The following KIAA1671 variants were observed in gnomAD, a reference collection of about 807,000 sequenced individuals.
KIAA1671 encodes uncharacterized protein KIAA1671.
KIAA1671 carries 52 observed loss-of-function variants against 131.2 expected under a neutral mutation model. The ratio of observed to expected loss-of-function variants is 0.40; its 90% CI spans 0.32 to 0.50. KIAA1671 has a LOEUF of 0.50. Ranked by LOEUF, KIAA1671 falls within the 20% of genes least tolerant of loss-of-function variation. The pLI, the probability that KIAA1671 is intolerant of heterozygous loss-of-function variation, is 0.73. For synonymous variants in KIAA1671, 1,003 were observed against 961.6 expected (o/e 1.04, Z -0.80); for missense variants, 2,360 against 2,364.2 (o/e 1.00, Z 0.04).
In KIAA1671 at chr22:25,182,680, G is replaced by A. The variant is rs531747684; in HGVS notation, c.5199+857G>A. Among the ~76,000 whole-genome samples the A allele has an allele frequency of 3.2e-4, 49 of 152,148 alleles. 1 individual carries two copies. The South Asian group carries it at 9.6e-3, about 30-fold the overall frequency. ...AATCTCCACTTTCTGACTCTCCTCC[G>A]CCCCCAAACCTGCTGCTCTGGTGTC... On this transcript the variant is annotated intron_variant, in intron 10 of 12. Transcript: ENST00000358431.
At chr22:25,153,763 A>C (rs1933129898) in intron 6 of KIAA1671, among the ~76,000 whole-genome samples, 1 of 152,210 alleles carries the variant, frequency 6.6e-6, no homozygotes, top group Non-Finnish European at 1.5e-5. Context: ...CCCTTCTGCC[A>C]CAGAGCATCC....
chr22:24,983,731 G>T (rs1459185636), intron 1 of KIAA1671, among the ~76,000 whole-genome samples: 1 of 147,944 alleles, frequency 6.8e-6, no homozygotes, highest in Non-Finnish European at 1.5e-5. Context: ...TGAAGCTGGG[G>T]GTCTGGGGGC....
At chr22:24,962,639 A>G (rs1316740216) in intron 1 of KIAA1671, among the ~76,000 whole-genome samples, 2 of 152,232 alleles carry the variant, frequency 1.3e-5, no homozygotes, top group African/African-American at 2.4e-5. Flanking sequence ...GTTAACACAT[A>G]TGGCACTTGC....
At chr22:25,179,489 T>C (rs1934186843) in intron 9 of KIAA1671, 2 of 1,612,654 alleles carry the variant, frequency 1.2e-6, no homozygotes, top group Admixed American at 1.7e-5. Context: ...CTCCAGCGCC[T>C]TGTGCAGCAC....
chr22:25,028,690 CT>C lies in KIAA1671; in HGVS notation c.693del (p.Val232TrpfsTer7). On this transcript the variant is annotated frameshift_variant, in exon 3 of 13. Transcript: ENST00000358431. LOFTEE classifies it high-confidence loss of function. ...ASSVEDTARP[L>X]VEPRPRLKRR... ...CAGTGTGGAGGACACGGCACGCCCC[CT>C]TGTGGAGCCCAGGCCTCGCCTGAAG... 1.3e-6 allele frequency: 2 copies of C among 1,551,222 alleles called. No individual in the cohort carries two copies. The highest frequency in any genetic ancestry group is 1.7e-6 in the Non-Finnish European group (2 of 1,147,012).
chr22:25,169,547 G>A (rs1279254513), intron 6 of KIAA1671, among the ~76,000 whole-genome samples: 1 of 152,044 alleles, frequency 6.6e-6, no homozygotes, highest in Non-Finnish European at 1.5e-5. Flanking sequence ...GTTTTGTCTT[G>A]AGGGCACCAG....
chr22:24,977,085 A>AGGCT (rs1331138805), intron 1 of KIAA1671, among the ~76,000 whole-genome samples: 1 of 152,134 alleles, frequency 6.6e-6, no homozygotes, highest in Non-Finnish European at 1.5e-5. Flanking sequence ...ATTGACCGAG[A>AGGCT]GGCTGCCTGT....
chr22:24,986,913 G>T (rs1170040780), intron 1 of KIAA1671, among the ~76,000 whole-genome samples: 1 of 151,856 alleles, frequency 6.6e-6, no homozygotes, highest in Non-Finnish European at 1.5e-5. Context: ...GCAGGGGTCG[G>T]CCAGCTTCTC....
At chr22:25,178,751 A>C (rs1934136824) in intron 9 of KIAA1671, among the ~76,000 whole-genome samples, 1 of 152,050 alleles carries the variant, frequency 6.6e-6, no homozygotes, top group South Asian at 2.1e-4. Context: ...ACCCCTGTGC[A>C]ACCACATTAA....
rs1926783649 is a variant in KIAA1671 at position 25,039,255 on chromosome 22, G to A, written c.2125G>A (p.Glu709Lys). 1 of 1,552,322 alleles carries A rather than the reference G, an allele frequency of 6.4e-7. No individual in the cohort carries two copies. Among genetic ancestry groups the A allele is most frequent in the Non-Finnish European group, 8.7e-7 (1 of 1,147,120 alleles). ...TCTCCGGGACAAATACCCTTTGTCT[G>A]AAAACCACAATAATAACACCTTCCT... ...TPLRDKYPLS[E>K]NHNNNTFLKH... Residue 709 changes from glutamate to lysine, a missense_variant, in exon 5 of 13, where the codon GAA becomes AAA. By Grantham distance (56) the Glu-to-Lys change is moderately conservative (BLOSUM62 1). Around this residue, in one of 3 missense-constraint regions of KIAA1671, gnomAD observed 1,185 missense variants for 1,126.2 expected, o/e 1.05. Coordinates refer to ENST00000358431, the MANE Select transcript of KIAA1671 (RefSeq NM_001145206.2).
At chr22:25,052,740 G>C (rs372318486) in intron 6 of KIAA1671, 1 of 151,830 alleles carries the variant, frequency 6.6e-6, no homozygotes, top group South Asian at 2.1e-4. Flanking sequence ...TATTTGAGAT[G>C]GAGTCTCACT....
intron 1 of KIAA1671, among the ~76,000 whole-genome samples, chr22:24,983,509 T>G (rs1301401170): frequency 6.6e-6 from 1 of 151,910 alleles, no homozygotes; most frequent in Non-Finnish European, 1.5e-5. Context: ...GGTCGCATTC[T>G]GAGATTACAG....
In KIAA1671 at chr22:25,041,009, C is replaced by A; in HGVS notation, c.3879C>A (p.Ser1293Arg). 1 of 1,479,826 alleles carries A rather than the reference C, an allele frequency of 6.8e-7. No homozygotes were observed. The allele number at this position is 1,479,826 out of a possible 1,614,324, so 91.7% of individuals were successfully genotyped here. A position where few individuals can be genotyped will look rare whatever the true frequency, so the allele number is the denominator to read the frequency against. Residue 1293 changes from serine (S) to arginine (R), a missense_variant, in exon 5 of 13, where the codon AGC becomes AGA. By Grantham distance (110) the Ser-to-Arg change is moderately radical. Transcript: ENST00000358431. ...AGACAGCCATGGGCACCAAATCTAG[C>A]CCTCCCTTCTGGGCTCTGCCACCCT... is the stretch of plus-strand genomic sequence containing the variant. The part of the protein sequence containing the change: ...TLETAMGTKS[S>R]PPFWALPPSA...
intron 6 of KIAA1671, among the ~76,000 whole-genome samples, chr22:25,089,474 A>C (rs906524075): frequency 3.3e-5 from 5 of 151,760 alleles, no homozygotes; most frequent in Non-Finnish European, 5.9e-5. Context: ...GGTTTTATCC[A>C]TGTTGGTCAG....
chr22:25,145,427 C>T (rs140280248), intron 6 of KIAA1671, among the ~76,000 whole-genome samples: 1 of 152,152 alleles, frequency 6.6e-6, no homozygotes, highest in African/African-American at 2.4e-5. Flanking sequence ...ACAGCATGGC[C>T]CTGTCTGATT....
chr22:25,002,780 G>C (rs1263345439), intron 1 of KIAA1671, among the ~76,000 whole-genome samples: 1 of 151,438 alleles, frequency 6.6e-6, no homozygotes, highest in Non-Finnish European at 1.5e-5. Context: ...TTTTAACTTC[G>C]TGGCTTTTTT....
intron 6 of KIAA1671, among the ~76,000 whole-genome samples, chr22:25,166,087 C>G (rs985817852): frequency 6.6e-6 from 1 of 152,148 alleles, no homozygotes; most frequent in East Asian, 1.9e-4. Flanking sequence ...ACATACAGGG[C>G]GAAGGATGCC....
intron 6 of KIAA1671, among the ~76,000 whole-genome samples, chr22:25,132,871 A>G (rs1046356212): frequency 6.6e-6 from 1 of 152,164 alleles, no homozygotes; most frequent in South Asian, 2.1e-4. Context: ...CCTGGCCAAC[A>G]TGGCGAAATC....
chr22:24,969,875 T>G (rs993463161), intron 1 of KIAA1671, among the ~76,000 whole-genome samples: 3 of 152,222 alleles, frequency 2.0e-5, no homozygotes, highest in Admixed American at 6.5e-5. Flanking sequence ...AGTGAAGGTC[T>G]GTGCACTGTT....
Sources: gnomAD v4.1 joint callset for allele counts (sites outside exome capture counted in the v4.1 genomes callset) on GRCh38, gnomAD v4.1.1 for gene constraint, gnomAD v4.1.1 regional missense constraint, MANE v1.5 for transcripts, NCBI Gene and HGNC (gene_info 2026-07-23, HGNC 2026-07-21) for gene names.